TMEM132C: variants seen among roughly 807,000 people sequenced by gnomAD.
TMEM132C encodes the protein protein phosphatase 1, regulatory subunit 152.
In TMEM132C, 29 loss-of-function variants were observed where a neutral mutation model predicts 61.4. That is an observed-to-expected ratio of 0.47 (90% CI 0.35 to 0.64). The LOEUF (loss-of-function observed/expected upper bound fraction) is 0.64, where lower values mean the gene tolerates loss of function less well. Among genes scored for constraint, TMEM132C ranks in the 30% least tolerant of loss-of-function variants. The probability of loss-of-function intolerance (pLI) is 0.00; values close to 1 mark genes in which losing one functional copy is unlikely to be tolerated. For synonymous variants in TMEM132C, 656 were observed against 633.1 expected, an observed-to-expected ratio of 1.04 and a Z score of -0.54; for missense variants, 1,408 against 1,476.9, an observed-to-expected ratio of 0.95 and a Z score of 0.76.
chr12:128,315,128 A>T (rs1451336355), intron 1 of TMEM132C, among the ~76,000 whole-genome samples: 1 of 152,116 alleles, frequency 6.6e-6, no homozygotes, highest in Admixed American at 6.5e-5. Context: ...CTGATCAGGG[A>T]CGGGGACAGT....
chr12:128,524,116 G>A (rs895797151), intron 2 of TMEM132C, among the ~76,000 whole-genome samples: 1 of 151,838 alleles, frequency 6.6e-6, no homozygotes, highest in African/African-American at 2.4e-5. Flanking sequence ...CCATTTCTCT[G>A]TACTACAACA....
rs1222359256 is a variant in TMEM132C at position 128,521,483 on chromosome 12, G to A, written c.975-22474G>A. 4.7e-5 allele frequency among the ~76,000 whole-genome samples: 7 copies of A among 148,410 alleles called. No homozygotes were observed. In the Admixed American group the frequency reaches 4.7e-4, roughly 10 times the overall value. ...CCCCACCCCCCAACAGGCCCCGGTG[G>A]GAACACACATATTATTAAAGCAAGT... On this transcript the variant is annotated intron_variant, in intron 2 of 8. Transcript: ENST00000435159.
intron 1 of TMEM132C, among the ~76,000 whole-genome samples, chr12:128,280,794 C>A (rs560008019): frequency 9.9e-5 from 15 of 152,132 alleles, no homozygotes; most frequent in Admixed American, 3.9e-4. Flanking sequence ...ATAATCCCAG[C>A]AAAAGTCATA....
At chr12:128,535,664 C>G (rs567402609) in intron 2 of TMEM132C, among the ~76,000 whole-genome samples, 37 of 152,190 alleles carry the variant, frequency 2.4e-4, no homozygotes, top group Admixed American at 6.6e-4. Context: ...GTCAGGAGAT[C>G]GAGACCATCT....
chr12:128,340,973 CAG>C (rs767712143), intron 1 of TMEM132C, among the ~76,000 whole-genome samples: 12 of 144,338 alleles, frequency 8.3e-5, no homozygotes, highest in Non-Finnish European at 1.7e-4. Context: ...TCTTTTTTGA[CAG>C]AGTCTCACTC....
intron 1 of TMEM132C, among the ~76,000 whole-genome samples, chr12:128,287,629 C>A (rs1314788685): frequency 6.6e-6 from 1 of 152,158 alleles, no homozygotes. Flanking sequence ...AGGCAATTCT[C>A]TGATATAATC....
intron 3 of TMEM132C, among the ~76,000 whole-genome samples, chr12:128,599,910 G>A (rs12322774): frequency 8.5e-5 from 13 of 152,282 alleles, no homozygotes; most frequent in East Asian, 3.9e-4. Flanking sequence ...CATGGGAGCC[G>A]TTACCCCCAT....
intron 1 of TMEM132C, among the ~76,000 whole-genome samples, chr12:128,383,207 T>C (rs1874469621): frequency 6.6e-6 from 1 of 152,128 alleles, no homozygotes; most frequent in African/African-American, 2.4e-5. Flanking sequence ...TGTGTACATG[T>C]GTGTATGAGC....
chr12:128,590,835 G>A (rs1052370059), intron 3 of TMEM132C, among the ~76,000 whole-genome samples: 2 of 152,118 alleles, frequency 1.3e-5, no homozygotes, highest in African/African-American at 4.8e-5. Flanking sequence ...GGAGTACAGT[G>A]GCACCATCAC....
chr12:128,459,136 C>T (rs757859308), intron 2 of TMEM132C, among the ~76,000 whole-genome samples: 23 of 152,300 alleles, frequency 1.5e-4, no homozygotes, highest in Non-Finnish European at 3.1e-4. Context: ...GGACCAGCAG[C>T]CCCTTTGGAG....
At chr12:128,631,620 A>G (rs750908582) in intron 4 of TMEM132C, among the ~76,000 whole-genome samples, 14 of 152,302 alleles carry the variant, frequency 9.2e-5, no homozygotes, top group Non-Finnish European at 8.8e-5. Flanking sequence ...CAGAAACCCA[A>G]CTCAACTGGC....
intron 2 of TMEM132C, among the ~76,000 whole-genome samples, chr12:128,427,360 A>T (rs1869221034): frequency 7.0e-6 from 1 of 142,068 alleles, no homozygotes; most frequent in East Asian, 2.0e-4. Flanking sequence ...TGTATTTATT[A>T]GTCCTTTTAG....
intron 2 of TMEM132C, among the ~76,000 whole-genome samples, chr12:128,470,538 G>A (rs768147151): frequency 6.6e-6 from 1 of 152,176 alleles, no homozygotes; most frequent in East Asian, 1.9e-4. Flanking sequence ...GCCAGTGGAG[G>A]AGAGGATGTA....
intron 2 of TMEM132C, among the ~76,000 whole-genome samples, chr12:128,538,402 G>A: frequency 6.6e-6 from 1 of 152,148 alleles, no homozygotes; most frequent in Non-Finnish European, 1.5e-5. Context: ...GGGATTACAG[G>A]CATGGGTCAC....
At chr12:128,524,525 A>G (rs1870291) in intron 2 of TMEM132C, among the ~76,000 whole-genome samples, 143,790 of 152,190 alleles carry the variant, frequency 0.94, 68,394 homozygotes, top group East Asian at 1. Context: ...AACTAAGAAT[A>G]TAATTCTAAA....
chr12:128,366,482 G>A (rs377724699), intron 1 of TMEM132C, among the ~76,000 whole-genome samples: 9 of 152,088 alleles, frequency 5.9e-5, no homozygotes, highest in South Asian at 2.1e-4. Context: ...TTATAGCCCC[G>A]GATCACAGAA....
chr12:128,663,213 A>T (rs1954410837), intron 4 of TMEM132C, among the ~76,000 whole-genome samples: 1 of 152,192 alleles, frequency 6.6e-6, no homozygotes, highest in Admixed American at 6.5e-5. Flanking sequence ...CATCACCACA[A>T]AAGGAGACGT....
chr12:128,332,504 T>C lies in TMEM132C; in HGVS notation c.85+65017T>C, dbSNP rs1336250402. ...GCCACAGTGGTTTTCTTGGAAGTGA[T>C]AGACCATATAATTCTCACATGTCAA... is the stretch of plus-strand genomic sequence containing the variant. On this transcript the variant is annotated intron_variant, in intron 1 of 8. Transcript: ENST00000435159. Among the ~76,000 whole-genome samples the C allele has an allele frequency of 7.2e-5, 11 of 152,246 alleles. 1 individual carries two copies. Among genetic ancestry groups the C allele is most frequent in the Admixed American group, 7.2e-4 (11 of 15,284 alleles).
At chr12:128,279,409 T>C (rs534061404) in intron 1 of TMEM132C, among the ~76,000 whole-genome samples, 1 of 152,338 alleles carries the variant, frequency 6.6e-6, no homozygotes, top group South Asian at 2.1e-4. Flanking sequence ...GTTTAAGCCC[T>C]TCTTGACTAG....
Sources: allele counts gnomAD v4.1 joint callset (sites outside exome capture counted in the v4.1 genomes callset), GRCh38; gene constraint gnomAD v4.1.1; transcripts MANE v1.5; gene names NCBI Gene and HGNC (gene_info 2026-07-23, HGNC 2026-07-21).